RBFOX1: variants seen among roughly 807,000 people sequenced by gnomAD.
RBFOX1 encodes RNA binding protein fox-1 homolog 1.
A neutral mutation model predicts 57.7 loss-of-function variants in RBFOX1; 8 were observed. The ratio of observed to expected loss-of-function variants is 0.14; its 90% CI spans 0.08 to 0.25. The LOEUF is 0.25. Ranked by LOEUF, RBFOX1 falls within the 10% of genes least tolerant of loss-of-function variation. The pLI, the probability that RBFOX1 is intolerant of heterozygous loss-of-function variation, is 1.00. For synonymous variants in RBFOX1, 326 were observed against 222.4 expected, an observed-to-expected ratio of 1.47 and a Z score of -4.15; for missense variants, 611 against 548.5, an observed-to-expected ratio of 1.11 and a Z score of -1.14.
chr16:5,562,021 G>A (rs1205666855), intron 2 of RBFOX1, among the ~76,000 whole-genome samples: 1 of 152,118 alleles, frequency 6.6e-6, no homozygotes, highest in Non-Finnish European at 1.5e-5. Context: ...GAAGACACAG[G>A]GAAACTTGTC....
intron 4 of RBFOX1, among the ~76,000 whole-genome samples, chr16:7,495,722 C>A (rs1457416839): frequency 6.6e-6 from 1 of 152,110 alleles, no homozygotes; most frequent in African/African-American, 2.4e-5. Context: ...AACCTTTTTA[C>A]ATTTATTTTA....
intron 2 of RBFOX1, among the ~76,000 whole-genome samples, chr16:6,446,714 A>T (rs1323902508): frequency 6.6e-6 from 1 of 152,124 alleles, no homozygotes; most frequent in Non-Finnish European, 1.5e-5. Context: ...GATTAAATAG[A>T]GTTAGTTATA....
intron 10 of RBFOX1, among the ~76,000 whole-genome samples, chr16:7,618,716 C>G (rs2058848907): frequency 6.6e-6 from 1 of 152,112 alleles, no homozygotes; most frequent in Non-Finnish European, 1.5e-5. Flanking sequence ...CTGTTAATTA[C>G]ATGTAGATAC....
chr16:5,873,864 G>T (rs1049257653), intron 4 of RBFOX1, among the ~76,000 whole-genome samples: 3 of 152,084 alleles, frequency 2.0e-5, no homozygotes, highest in Admixed American at 2.0e-4. Context: ...AGCTTTGAAG[G>T]GTGGATTAGG....
intron 5 of RBFOX1, among the ~76,000 whole-genome samples, chr16:7,576,786 C>G (rs1044048785): frequency 3.3e-5 from 5 of 152,170 alleles, no homozygotes; most frequent in African/African-American, 9.6e-5. Flanking sequence ...ATACACAAAT[C>G]CAAATCTATG....
At chr16:6,327,192 T>C (rs752394924) in intron 2 of RBFOX1, among the ~76,000 whole-genome samples, 9 of 152,198 alleles carry the variant, frequency 5.9e-5, no homozygotes, top group Non-Finnish European at 1.0e-4. Flanking sequence ...TTTGTGTTAT[T>C]ATTTCTTCCC....
chr16:5,241,970 C>A (rs903790263), intron 1 of RBFOX1, among the ~76,000 whole-genome samples: 12 of 152,000 alleles, frequency 7.9e-5, no homozygotes, highest in Non-Finnish European at 1.6e-4. Context: ...AAAATAAAAG[C>A]CAGGTATGGT....
chr16:5,848,989 G>A (rs915909944), intron 3 of RBFOX1, among the ~76,000 whole-genome samples: 1 of 150,418 alleles, frequency 6.6e-6, no homozygotes, highest in Non-Finnish European at 1.5e-5. Context: ...AAAAAAAACA[G>A]AAAAGTAAGT....
chr16:5,812,104 T>TCC (rs967514801), intron 3 of RBFOX1, among the ~76,000 whole-genome samples: 74 of 152,326 alleles, frequency 4.9e-4, no homozygotes, highest in African/African-American at 1.8e-3. Flanking sequence ...ACCCACACTG[T>TCC]CCCATGTAAC....
rs187137062 is a variant in RBFOX1, at chr16:7,016,692, C to T, written c.-15-35365C>T. On this transcript the variant is annotated intron_variant, in intron 3 of 15. Coordinates refer to ENST00000550418, the MANE Select transcript of RBFOX1 (RefSeq NM_018723.4). ...ATGCTGAACTTGAAGTCACATGTGA[C>T]TGATGCCTATTCCCGTATTTTTCTT... 2.3e-3 allele frequency among the ~76,000 whole-genome samples: 345 copies of T among 152,294 alleles called. 2 individuals carry two copies. The highest frequency in any genetic ancestry group is 7.9e-3 in the African/African-American group (329 of 41,552).
intron 1 of RBFOX1, among the ~76,000 whole-genome samples, chr16:6,197,321 A>G (rs1431571752): frequency 6.6e-6 from 1 of 151,708 alleles, no homozygotes. Context: ...CGTATCTCCC[A>G]CTGACCCCTG....
At chr16:7,108,238 G>A (rs2063964893) in intron 4 of RBFOX1, among the ~76,000 whole-genome samples, 1 of 152,130 alleles carries the variant, frequency 6.6e-6, no homozygotes, top group Admixed American at 6.5e-5. Context: ...CAGAAGCACT[G>A]GGGAGAAGGA....
At chr16:5,863,758 C>G (rs2057281610) in intron 3 of RBFOX1, among the ~76,000 whole-genome samples, 1 of 152,176 alleles carries the variant, frequency 6.6e-6, no homozygotes, top group Non-Finnish European at 1.5e-5. Context: ...TGGCCACAAG[C>G]CGTACCACTC....
intron 4 of RBFOX1, among the ~76,000 whole-genome samples, chr16:7,121,900 G>C (rs937664191): frequency 9.9e-5 from 15 of 151,612 alleles, no homozygotes; most frequent in African/African-American, 1.2e-4. Context: ...TTAAATCTTA[G>C]AAAAGGTACA....
intron 4 of RBFOX1, among the ~76,000 whole-genome samples, chr16:5,924,854 C>G (rs1392059535): frequency 1.3e-5 from 2 of 152,098 alleles, no homozygotes; most frequent in Admixed American, 1.3e-4. Context: ...CTGTGGGGCC[C>G]AGGGATTGGG....
intron 2 of RBFOX1, among the ~76,000 whole-genome samples, chr16:5,585,444 C>T (rs1004541996): frequency 6.6e-6 from 1 of 152,124 alleles, no homozygotes. Flanking sequence ...GCTTTGGGCT[C>T]TCTTGGGATT....
chr16:7,170,083 A>G (rs1327127987), intron 4 of RBFOX1, among the ~76,000 whole-genome samples: 5 of 152,168 alleles, frequency 3.3e-5, no homozygotes, highest in African/African-American at 9.7e-5. Context: ...CAAAATAAAT[A>G]AATAAATAAA....
At chr16:7,358,388 T>G (rs190699478) in intron 4 of RBFOX1, among the ~76,000 whole-genome samples, 2 of 152,264 alleles carry the variant, frequency 1.3e-5, no homozygotes, top group East Asian at 3.9e-4. Flanking sequence ...CAAGGAAAAT[T>G]AAGACTTAAG....
chr16:7,051,952 G>C, intron 3 of RBFOX1, 105 bp from the exon 4 acceptor site: 1 of 1,477,654 alleles, frequency 6.8e-7, no homozygotes, highest in Non-Finnish European at 9.1e-7. Flanking sequence ...AATTAATTAT[G>C]GGTTTTCTTT....
Sources: gnomAD v4.1 joint callset for allele counts (sites outside exome capture counted in the v4.1 genomes callset) on GRCh38, gnomAD v4.1.1 for gene constraint, MANE v1.5 for transcripts, NCBI Gene and HGNC (gene_info 2026-07-23, HGNC 2026-07-21) for gene names.